FSIP1: variants seen among roughly 807,000 people sequenced by gnomAD.
FSIP1 encodes fibrous sheath-interacting protein 1.
In FSIP1, 65 loss-of-function variants were observed where a neutral mutation model predicts 60.9. That is an observed-to-expected ratio of 1.07 (90% CI 0.87 to 1.31). FSIP1 has a LOEUF of 1.31. Ranked by LOEUF, FSIP1 falls within the 40% of genes most tolerant of loss-of-function variation. The pLI is 0.00. For missense variants in FSIP1, 675 were observed against 665.5 expected (o/e 1.01, Z -0.16); for synonymous variants, 209 against 221.2 (o/e 0.94, Z 0.49).
At chr15:39,672,201 G>A (rs1474764225) in intron 10 of FSIP1, among the ~76,000 whole-genome samples, 1 of 152,182 alleles carries the variant, frequency 6.6e-6, no homozygotes, top group Non-Finnish European at 1.5e-5. Context: ...CAAGATGAAG[G>A]CGTCAAGATG....
At chr15:39,762,720 G>A (rs939294412) in intron 5 of FSIP1, among the ~76,000 whole-genome samples, 1 of 152,156 alleles carries the variant, frequency 6.6e-6, no homozygotes, top group African/African-American at 2.4e-5. Flanking sequence ...TAAAGACAAG[G>A]CCTGGAAATG....
chr15:39,719,910 T>C (rs1167161547), intron 9 of FSIP1, among the ~76,000 whole-genome samples: 1 of 152,218 alleles, frequency 6.6e-6, no homozygotes, highest in African/African-American at 2.4e-5. Context: ...TCTAACAGAT[T>C]GGCACTGGAG....
At chr15:39,630,839 C>A (rs557447237) in intron 10 of FSIP1, among the ~76,000 whole-genome samples, 2 of 152,172 alleles carry the variant, frequency 1.3e-5, no homozygotes, top group Admixed American at 6.5e-5. Context: ...CCATAACATG[C>A]CCCCTCCACA....
intron 9 of FSIP1, among the ~76,000 whole-genome samples, chr15:39,726,229 G>A (rs1896188507): frequency 6.6e-6 from 1 of 152,092 alleles, no homozygotes; most frequent in Non-Finnish European, 1.5e-5. Context: ...TGGAGTAAGG[G>A]ACAATGGCTG....
intron 8 of FSIP1, 96 bp downstream of exon 8, chr15:39,737,995 C>A (rs112117372): frequency 4.1e-6 from 3 of 736,962 alleles, no homozygotes; most frequent in Admixed American, 5.7e-5. Context: ...TCTCAGAATC[C>A]GAAAAATTAT....
chr15:39,648,464 A>G (rs1191687051), intron 10 of FSIP1, among the ~76,000 whole-genome samples: 2 of 152,240 alleles, frequency 1.3e-5, no homozygotes, highest in Non-Finnish European at 2.9e-5. Context: ...TAAGTTCTTA[A>G]AAGTTCTCCA....
chr15:39,738,024 G>A (rs1423492223), intron 8 of FSIP1, 67 bp downstream of exon 8: 3 of 897,488 alleles, frequency 3.3e-6, no homozygotes, highest in African/African-American at 3.4e-5. Context: ...TATGATACTG[G>A]GCCAATAATA....
At chr15:39,772,881 G>A (rs1394947188) in intron 2 of FSIP1, among the ~76,000 whole-genome samples, 2 of 152,080 alleles carry the variant, frequency 1.3e-5, no homozygotes, top group South Asian at 2.1e-4. Context: ...GTGAGCCACC[G>A]TGCCCAGCCC....
intron 10 of FSIP1, among the ~76,000 whole-genome samples, chr15:39,668,569 G>A (rs1384313828): frequency 2.0e-5 from 3 of 152,122 alleles, no homozygotes; most frequent in Non-Finnish European, 4.4e-5. Context: ...AACACCAGGT[G>A]CCATACTATG....
chr15:39,771,722 C>T (rs938254612), intron 2 of FSIP1, among the ~76,000 whole-genome samples: 2 of 152,090 alleles, frequency 1.3e-5, no homozygotes, highest in African/African-American at 4.8e-5. Flanking sequence ...CTAGTGAAGG[C>T]CCAATTTATA....
At chr15:39,705,577 TTC>T (rs1895228459) in intron 10 of FSIP1, among the ~76,000 whole-genome samples, 2 of 152,212 alleles carry the variant, frequency 1.3e-5, no homozygotes, top group African/African-American at 4.8e-5. Flanking sequence ...ACAGCACATA[TTC>T]TATTTCCCTT....
chr15:39,747,162 C>T (rs755495915), intron 5 of FSIP1: 2 of 151,768 alleles, frequency 1.3e-5, no homozygotes, highest in Non-Finnish European at 2.9e-5. Flanking sequence ...AACTATACAA[C>T]AATTTGGAAA....
intron 10 of FSIP1, among the ~76,000 whole-genome samples, chr15:39,691,726 C>A (rs1307266702): frequency 6.6e-6 from 1 of 152,106 alleles, no homozygotes; most frequent in African/African-American, 2.4e-5. Flanking sequence ...GTGATAAAGT[C>A]TCTCAACTAA....
intron 10 of FSIP1, among the ~76,000 whole-genome samples, chr15:39,667,487 C>A (rs1446887373): frequency 6.6e-6 from 1 of 152,076 alleles, no homozygotes; most frequent in Non-Finnish European, 1.5e-5. Flanking sequence ...CCTTTTAAGC[C>A]CTTTATTCAA....
intron 10 of FSIP1, among the ~76,000 whole-genome samples, chr15:39,711,523 A>G (rs1206808187): frequency 6.6e-6 from 1 of 152,110 alleles, no homozygotes; most frequent in Admixed American, 6.6e-5. Flanking sequence ...CCCGCCTTGG[A>G]TTGGCAGATA....
intron 1 of FSIP1, among the ~76,000 whole-genome samples, chr15:39,782,064 C>T (rs1204014695): frequency 1.3e-5 from 2 of 152,206 alleles, no homozygotes; most frequent in Non-Finnish European, 2.9e-5. Context: ...TCAAAGAACA[C>T]TTATGTTTCA....
intron 11 of FSIP1, among the ~76,000 whole-genome samples, chr15:39,609,081 T>C (rs1890929238): frequency 6.6e-6 from 1 of 152,172 alleles, no homozygotes; most frequent in African/African-American, 2.4e-5. Context: ...CACTCATTAT[T>C]ATCTCCCGGG....
chr15:39,778,156 C>CAATATCAAAA (rs1898124333), intron 1 of FSIP1, among the ~76,000 whole-genome samples: 3 of 152,176 alleles, frequency 2.0e-5, no homozygotes, highest in Non-Finnish European at 4.4e-5. Flanking sequence ...TGATGGATCA[C>CAATATCAAAA]CCTGGCCCCT....
At position 39,713,598 on chromosome 15, in the gene FSIP1, A is replaced by G. The variant is rs1421081959; in HGVS notation, c.1051-17T>C. The stretch of plus-strand genomic sequence containing the variant: ...GTCAGGTTTCTAATTTAAAGAAAAA[A>G]AAAAAACATCATTCACAGGCTGGAA... On this transcript the variant is annotated splice_polypyrimidine_tract_variant and intron_variant, in intron 9 of 11. Coordinates refer to ENST00000350221, the MANE Select transcript of FSIP1 (RefSeq NM_152597.5). 3 of 1,580,158 alleles carry G rather than the reference A, an allele frequency of 1.9e-6. No homozygotes were observed. The highest frequency in any genetic ancestry group is 2.8e-5 in the African/African-American group (2 of 72,470).
Sources: gnomAD v4.1 joint callset for allele counts (sites outside exome capture counted in the v4.1 genomes callset) on GRCh38, gnomAD v4.1.1 for gene constraint, MANE v1.5 for transcripts, NCBI Gene and HGNC (gene_info 2026-07-23, HGNC 2026-07-21) for gene names.